Variants in GSAP observed in about 807,000 individuals in gnomAD.
The protein encoded by GSAP is gamma-secretase activating protein.
A neutral mutation model predicts 131.7 loss-of-function variants in GSAP; 118 were observed. The ratio of observed to expected loss-of-function variants is 0.90; its 90% CI spans 0.77 to 1.04. The LOEUF is 1.04. Among genes scored for constraint, GSAP ranks in the 50% least tolerant of loss-of-function variants. The pLI is 0.00. For synonymous variants in GSAP, 381 were observed against 363.4 expected (o/e 1.05, Z -0.55); for missense variants, 1,019 against 1,013.2 (o/e 1.01, Z -0.08).
intron 12 of GSAP, among the ~76,000 whole-genome samples, chr7:77,364,561 T>C (rs960223783): frequency 2.0e-5 from 3 of 148,466 alleles, no homozygotes; most frequent in African/African-American, 7.4e-5. Context: ...TTAGGAGATA[T>C]ACCTAATGCT....
intron 26 of GSAP, among the ~76,000 whole-genome samples, chr7:77,317,933 C>CT (rs1584219875): frequency 6.6e-6 from 1 of 152,180 alleles, no homozygotes; most frequent in East Asian, 1.9e-4. Flanking sequence ...CAAATGGTCC[C>CT]TTTCAACTCC....
chr7:77,332,581 G>A (rs2150697665), intron 19 of GSAP, among the ~76,000 whole-genome samples: 1 of 152,228 alleles, frequency 6.6e-6, no homozygotes, highest in Admixed American at 6.5e-5. Context: ...TGGGTAGATG[G>A]TCTATAGCTT....
chr7:77,311,446 A>G lies in GSAP; in HGVS notation c.2477T>C (p.Leu826Pro), dbSNP rs1249621326. 1.3e-6 allele frequency: 2 copies of G among 1,599,906 alleles called. No individual in the cohort carries two copies. Among genetic ancestry groups the G allele is most frequent in the Non-Finnish European group, 1.7e-6 (2 of 1,167,572 alleles). The change falls in exon 31 of 31, where the codon CTG becomes CCG. Residue 826 changes from leucine (L) to proline (P), a missense_variant. Coordinates refer to ENST00000257626, the MANE Select transcript of GSAP (RefSeq NM_017439.4). The part of the protein sequence containing the change: ...LTDIESSNQA[L>P]YPFEGHDNVD... ...ATTGTCATGTCCTTCAAAAGGATAC[A>G]GGGCTGGAAAAAAATGGGGAGAGGG...
intron 5 of GSAP, among the ~76,000 whole-genome samples, chr7:77,393,650 C>CAT (rs1402047496): frequency 7.8e-4 from 118 of 150,508 alleles, no homozygotes; most frequent in African/African-American, 2.2e-3. Flanking sequence ...GGCATGCATG[C>CAT]ATATATATAT....
chr7:77,340,173 C>T (rs1316054330), intron 19 of GSAP, among the ~76,000 whole-genome samples: 1 of 152,216 alleles, frequency 6.6e-6, no homozygotes, highest in Admixed American at 6.5e-5. Flanking sequence ...TTGTGACACA[C>T]GCCCCTGCCC....
chr7:77,403,532 T>C (rs1008936603), intron 3 of GSAP, among the ~76,000 whole-genome samples: 4 of 152,156 alleles, frequency 2.6e-5, no homozygotes, highest in Admixed American at 2.6e-4. Context: ...AGACAAAGCC[T>C]GTCACATCAA....
intron 6 of GSAP, among the ~76,000 whole-genome samples, chr7:77,384,906 G>C (rs1798332341): frequency 1.3e-5 from 2 of 152,194 alleles, no homozygotes; most frequent in African/African-American, 2.4e-5. Flanking sequence ...TCCAGAGGCA[G>C]AGACATGGGG....
At position 77,385,700 on chromosome 7, in the gene GSAP, A is replaced by G. The variant is rs1309901384; in HGVS notation, c.456+1660T>C. Among the ~76,000 whole-genome samples the G allele has an allele frequency of 2.0e-5, 3 of 152,246 alleles. No homozygotes were observed. The East Asian group carries it at 5.8e-4, about 29-fold the overall frequency. On this transcript the variant is annotated intron_variant, in intron 6 of 30. Transcript: ENST00000257626. ...ATATCTGGAATTGAGGAGCGACCAC[A>G]GTGCTGTCAGGAGTGGCGGGGAAAT...
chr7:77,330,701 T>A (rs1157965568), intron 19 of GSAP: 2 of 994,828 alleles, frequency 2.0e-6, no homozygotes, highest in East Asian at 2.2e-4. Context: ...ACACACTGAG[T>A]CATTTCCTCC....
chr7:77,324,193 G>A (rs1443354295), intron 23 of GSAP, among the ~76,000 whole-genome samples: 1 of 152,132 alleles, frequency 6.6e-6, no homozygotes, highest in Non-Finnish European at 1.5e-5. Flanking sequence ...GAGTAAATGG[G>A]AAATAATCAG....
intron 19 of GSAP, among the ~76,000 whole-genome samples, chr7:77,344,733 G>A (rs1037114943): frequency 7.9e-5 from 12 of 152,006 alleles, no homozygotes; most frequent in African/African-American, 1.9e-4. Context: ...TCACCCTGAC[G>A]AAGTCCTATT....
At chr7:77,373,753 CTGTTAGTCATT>C (rs1452681693) in intron 12 of GSAP, among the ~76,000 whole-genome samples, 1 of 152,200 alleles carries the variant, frequency 6.6e-6, no homozygotes, top group African/African-American at 2.4e-5. Context: ...ACAGCCATCG[CTGTTAGTCATT>C]TGTTAAAAGA....
At position 77,397,326 on chromosome 7, in the gene GSAP, G is replaced by C; in HGVS notation, c.313+20C>G. ...GATGTAGTTCAGTTCTTGACATGTA[G>C]CAATAAGAGCTCAACTTACCAAGCA... is the stretch of plus-strand genomic sequence containing the variant. On this transcript the variant is annotated intron_variant, in intron 4 of 30. Transcript: ENST00000257626. The C allele has an allele frequency of 6.8e-7, 1 of 1,470,750 alleles. No homozygotes were observed. The highest frequency in any genetic ancestry group is 9.4e-7 in the Non-Finnish European group (1 of 1,059,990). The allele number at this position is 1,470,750 out of a possible 1,614,324, so 91.1% of individuals were successfully genotyped here. A position where few individuals can be genotyped will look rare whatever the true frequency, so the allele number is the denominator to read the frequency against.
intron 12 of GSAP, among the ~76,000 whole-genome samples, chr7:77,365,898 GTTTTT>G (rs35007328): frequency 0.01 from 1,190 of 115,614 alleles, 8 homozygotes; most frequent in African/African-American, 0.036. Context: ...GCAACTGTGG[GTTTTT>G]TTTTTTTTTT....
intron 5 of GSAP, among the ~76,000 whole-genome samples, chr7:77,390,181 T>C (rs1220876460): frequency 1.3e-5 from 2 of 152,204 alleles, no homozygotes; most frequent in Non-Finnish European, 2.9e-5. Flanking sequence ...ATTCTGGATA[T>C]TAGCCCTTTG....
At chr7:77,337,309 G>T (rs528552700) in intron 19 of GSAP, among the ~76,000 whole-genome samples, 21 of 150,082 alleles carry the variant, frequency 1.4e-4, no homozygotes, top group Admixed American at 8.6e-4. Context: ...GGTGGGGGGG[G>T]GGTTACAGGC....
chr7:77,317,933 C>T (rs1787084395), intron 26 of GSAP, among the ~76,000 whole-genome samples: 1 of 152,180 alleles, frequency 6.6e-6, no homozygotes. Context: ...CAAATGGTCC[C>T]TTTCAACTCC....
chr7:77,330,183 T>C lies in GSAP; in HGVS notation c.1674+56A>G, dbSNP rs1788890066. Reference sequence around the variant, plus strand: ...AGCCTTATGATTTAAAGGCATCACCTGGATCCAGTCCACTATGCCTCGCTG... The same window carrying C: ...AGCCTTATGATTTAAAGGCATCACCCGGATCCAGTCCACTATGCCTCGCTG... On this transcript the variant is annotated intron_variant, in intron 20 of 30. Coordinates refer to ENST00000257626, the MANE Select transcript of GSAP (RefSeq NM_017439.4). 43 of 1,551,658 alleles carry C rather than the reference T, an allele frequency of 2.8e-5. 1 individual carries two copies. The South Asian group carries it at 5.1e-4, about 18-fold the overall frequency.
intron 8 of GSAP, among the ~76,000 whole-genome samples, chr7:77,378,818 T>G (rs1797366087): frequency 6.6e-6 from 1 of 152,176 alleles, no homozygotes; most frequent in Non-Finnish European, 1.5e-5. Context: ...TTCCTCAAAA[T>G]GCTTATTAAG....
Sources: gnomAD v4.1 joint callset for allele counts (sites outside exome capture counted in the v4.1 genomes callset) on GRCh38, gnomAD v4.1.1 for gene constraint, MANE v1.5 for transcripts, NCBI Gene and HGNC (gene_info 2026-07-23, HGNC 2026-07-21) for gene names.